CCDC137: variants seen among roughly 807,000 people sequenced by gnomAD.
The protein encoded by CCDC137 is coiled-coil domain-containing protein 137.
Under a neutral mutation model 30.4 loss-of-function variants are expected in CCDC137, and 24 were observed. The observed-to-expected ratio is 0.79, with a 90% CI of 0.57 to 1.11. The LOEUF (loss-of-function observed/expected upper bound fraction) is 1.11. Among genes scored for constraint, CCDC137 ranks in the 50% least tolerant of loss-of-function variants. The probability of loss-of-function intolerance (pLI) is 0.00; values close to 1 mark genes in which losing one functional copy is unlikely to be tolerated. For missense variants in CCDC137, 417 were observed against 380.4 expected (o/e 1.10, Z -0.80); for synonymous variants, 182 against 155.7 (o/e 1.17, Z -1.26).
At chr17:81,667,393 T>C (rs1200807569) in intron 1 of CCDC137, among the ~76,000 whole-genome samples, 1 of 150,048 alleles carries the variant, frequency 6.7e-6, no homozygotes, top group East Asian at 2.0e-4. Flanking sequence ...AGTGGCGCGA[T>C]CTCGGCTCAC....
At position 81,667,757 on chromosome 17, in the gene CCDC137, C is replaced by G; in HGVS notation, c.163C>G (p.Pro55Ala). Reference protein sequence around the residue: ...SKEKKKVNCKPKNQDEQEIPF... With the variant: ...SKEKKKVNCKAKNQDEQEIPF... ...AGAGAAGAAGAAAGTGAACTGCAAG[C>G]CCAAGAACCAGGACGAACAGGAGAT... Residue 55 changes from proline to alanine, a missense_variant, in exon 2 of 6, where the codon CCC becomes GCC. By Grantham distance (27) the Pro-to-Ala change is conservative (BLOSUM62 -1). Transcript: ENST00000329214. The G allele has an allele frequency of 6.2e-7, 1 of 1,613,786 alleles. No homozygotes were observed. Among genetic ancestry groups the G allele is most frequent in the South Asian group, 1.1e-5 (1 of 91,066 alleles).
At chr17:81,666,970 G>C (rs1011917798) in intron 1 of CCDC137, 70 bp downstream of exon 1, 2 of 1,236,924 alleles carry the variant, frequency 1.6e-6, no homozygotes, top group African/African-American at 3.1e-5. Flanking sequence ...CTCCGCCCGG[G>C]ACCCCCTAGG....
At position 81,672,363 on chromosome 17, in the gene CCDC137, C is replaced by A. The variant is rs1008972975; in HGVS notation, c.661-132C>A. ...AAGAAAAAAAAAAACCCTCAGCCAA[C>A]GTGTGCGCTGTCTGGTGTGTGGCCT... On this transcript the variant is annotated intron_variant, in intron 5 of 5. Coordinates refer to ENST00000329214, the MANE Select transcript of CCDC137 (RefSeq NM_199287.3). 20 of 976,428 alleles carry A rather than the reference C, an allele frequency of 2.0e-5. No homozygotes were observed. The East Asian group carries it at 5.3e-4, about 26-fold the overall frequency. The allele number at this position is 976,428 out of a possible 1,614,324, so 60.5% of individuals were successfully genotyped here.
intron 3 of CCDC137, 86 bp downstream of exon 3, chr17:81,670,539 C>CT (rs2036708440): frequency 1.7e-6 from 2 of 1,181,254 alleles, no homozygotes; most frequent in Admixed American, 4.3e-5. Context: ...TGCAGGTACC[C>CT]TGTTTCATAG....
At chr17:81,667,039 C>G in intron 1 of CCDC137, 139 bp downstream of exon 1, 1 of 888,732 alleles carries the variant, frequency 1.1e-6, no homozygotes, top group Non-Finnish European at 1.5e-6. Context: ...TGTCTGTGCC[C>G]GCGGCCCACG....
intron 2 of CCDC137, among the ~76,000 whole-genome samples, chr17:81,669,695 G>A (rs925956775): frequency 3.9e-5 from 6 of 152,178 alleles, no homozygotes; most frequent in African/African-American, 1.4e-4. Flanking sequence ...GAGTAGTTGG[G>A]ACTACAGGCG....
chr17:81,668,088 T>C (rs1023565426), intron 2 of CCDC137, among the ~76,000 whole-genome samples: 2 of 152,144 alleles, frequency 1.3e-5, no homozygotes, highest in Admixed American at 6.6e-5. Context: ...GGACCCGTTA[T>C]GGGGCCTCAG....
At chr17:81,667,562 C>T (rs2036655051) in intron 1 of CCDC137, among the ~76,000 whole-genome samples, 167 bp from the exon 2 acceptor site, 2 of 152,078 alleles carry the variant, frequency 1.3e-5, no homozygotes, top group African/African-American at 4.8e-5. Flanking sequence ...CTCCTGACCT[C>T]GTGATCCGCC....
Position 81,673,227 on chromosome 17 carries a change from A to G in CCDC137, c.*523A>G, listed in dbSNP as rs2144447962. The G allele has an allele frequency of 6.3e-6, 1 of 157,558 alleles. No homozygotes were observed. The highest frequency in any genetic ancestry group is 1.9e-4 in the South Asian group (1 of 5,400). The allele number at this position is 157,558 out of a possible 1,614,324, so 9.8% of individuals were successfully genotyped here. A position where few individuals can be genotyped will look rare whatever the true frequency, so the allele number is the denominator to read the frequency against. ...ACCCAAGGTTTGGTTGGGGTGAAAC[A>G]TGATGACAACACATACACTTAAGAA... On this transcript the variant is annotated 3_prime_UTR_variant, in exon 6 of 6. Coordinates refer to ENST00000329214, the MANE Select transcript of CCDC137 (RefSeq NM_199287.3).
Position 81,673,600 on chromosome 17 carries a change from G to C in CCDC137, c.*896G>C, listed in dbSNP as rs1401088414. On this transcript the variant is annotated 3_prime_UTR_variant, in exon 6 of 6. Transcript: ENST00000329214. ...CAGTGCCAAAGGAGGAAATGCCCAG[G>C]CTGTCAGCATTTCCAGATGAGAGCA... is the stretch of plus-strand genomic sequence containing the variant. 6.6e-6 allele frequency: 1 copy of C among 152,286 alleles called. No individual in the cohort carries two copies. The highest frequency in any genetic ancestry group is 1.5e-5 in the Non-Finnish European group (1 of 68,100). The allele number at this position is 152,286 out of a possible 1,614,324, so 9.4% of individuals were successfully genotyped here. A position where few individuals can be genotyped will look rare whatever the true frequency, so the allele number is the denominator to read the frequency against.
intron 2 of CCDC137, 97 bp downstream of exon 2, chr17:81,667,959 T>A (rs940657571): frequency 1.8e-5 from 25 of 1,421,750 alleles, no homozygotes; most frequent in Non-Finnish European, 2.4e-5. Context: ...AGAGGAAATA[T>A]GCCAAGACCC....
chr17:81,667,020 G>A lies in CCDC137; in HGVS notation c.134+120G>A, dbSNP rs906676647. ...ACCCCTTCCCCAGGTCGGGCTCAGT[G>A]CCCTCCTCTGTCTGTGCCCGCGGCC... On this transcript the variant is annotated intron_variant, in intron 1 of 5. Coordinates refer to ENST00000329214, the MANE Select transcript of CCDC137 (RefSeq NM_199287.3). 3.3e-4 allele frequency: 357 copies of A among 1,069,818 alleles called. No individual in the cohort carries two copies. In the African/African-American group the frequency reaches 5.6e-3, roughly 17 times the overall value. The allele number at this position is 1,069,818 out of a possible 1,614,324, so 66.3% of individuals were successfully genotyped here. A position where few individuals can be genotyped will look rare whatever the true frequency, so the allele number is the denominator to read the frequency against.
At chr17:81,667,142 C>G in intron 1 of CCDC137, 1 of 406,874 alleles carries the variant, frequency 2.5e-6, no homozygotes, top group Non-Finnish European at 4.2e-6. Flanking sequence ...TGGTTCTGGA[C>G]GAGGTCAGGG....
chr17:81,672,646 A>G lies in CCDC137; in HGVS notation c.812A>G (p.Gln271Arg), dbSNP rs1246851230. The change falls in exon 6 of 6, where the codon CAG becomes CGG. Residue 271 changes from glutamine to arginine, a missense_variant. Physicochemically the swap from Gln to Arg is conservative, Grantham distance 43 (BLOSUM62 1). Coordinates refer to ENST00000329214, the MANE Select transcript of CCDC137 (RefSeq NM_199287.3). The stretch of plus-strand genomic sequence containing the variant: ...AGAGCGTTGAAGCAGCGGCAGCAGC[A>G]GCTGCACGGGGAGCGACCCCACCTC... Reference protein sequence around the residue: ...AYRALKQRQQQLHGERPHLTS... With the variant: ...AYRALKQRQQRLHGERPHLTS... 2 of 1,601,556 alleles carry G rather than the reference A, an allele frequency of 1.2e-6. No individual in the cohort carries two copies. The highest frequency in any genetic ancestry group is 3.4e-5 in the Admixed American group (2 of 58,276).
At chr17:81,669,461 A>G (rs2036691862) in intron 2 of CCDC137, among the ~76,000 whole-genome samples, 1 of 152,080 alleles carries the variant, frequency 6.6e-6, no homozygotes, top group African/African-American at 2.4e-5. Flanking sequence ...ATGTCTTCAC[A>G]TATTTATGAA....
chr17:81,671,701 A>G, intron 3 of CCDC137, 43 bp from the exon 4 acceptor site: 1 of 1,602,838 alleles, frequency 6.2e-7, no homozygotes. Context: ...CCTGGGTGGA[A>G]AGAGAATTTA....
chr17:81,672,496 C>G lies in CCDC137; in HGVS notation c.662C>G (p.Pro221Arg), dbSNP rs1429946688. ...CTCACCCTCCCCTCTCTCCCTCAGC[C>G]TGGCAGGAGATCGCAGATGCTGCGG... is the stretch of plus-strand genomic sequence containing the variant. ...RPQRSVSKDQPGRRSQMLRML... is the reference protein window; with the variant it reads ...RPQRSVSKDQRGRRSQMLRML... The change falls in exon 6 of 6, where the codon CCT becomes CGT. Residue 221 changes from proline (P) to arginine (R), a missense_variant and splice_region_variant. Transcript: ENST00000329214. 1.9e-6 allele frequency: 3 copies of G among 1,555,668 alleles called. No homozygotes were observed. Among genetic ancestry groups the G allele is most frequent in the Non-Finnish European group, 2.6e-6 (3 of 1,149,870 alleles).
chr17:81,672,191 C>T (rs768758231), intron 5 of CCDC137, 36 bp downstream of exon 5: 5 of 1,593,608 alleles, frequency 3.1e-6, no homozygotes, highest in African/African-American at 1.3e-5. Context: ...AGTTTGTCCC[C>T]CAGTGCTGCC....
At chr17:81,671,885 CTTCTGTT>C in intron 4 of CCDC137, 59 bp downstream of exon 4, 1 of 1,587,376 alleles carries the variant, frequency 6.3e-7, no homozygotes, top group Non-Finnish European at 8.6e-7. Flanking sequence ...GGGCGCAGGC[CTTCTGTT>C]CCCCACCAGC....
Sources: allele counts gnomAD v4.1 joint callset (sites outside exome capture counted in the v4.1 genomes callset), GRCh38; gene constraint gnomAD v4.1.1; transcripts MANE v1.5; gene names NCBI Gene and HGNC (gene_info 2026-07-23, HGNC 2026-07-21).